Variants in ACSS3 observed in about 807,000 individuals in gnomAD.
ACSS3 encodes the protein acyl-CoA synthetase short-chain family member 3, mitochondrial.
Under a neutral mutation model 84.2 loss-of-function variants are expected in ACSS3, and 64 were observed. The observed-to-expected ratio is 0.76, with a 90% CI of 0.62 to 0.94. ACSS3 has a LOEUF of 0.94. Among genes scored for constraint, ACSS3 ranks in the 40% least tolerant of loss-of-function variants. The pLI, the probability that ACSS3 is intolerant of heterozygous loss-of-function variation, is 0.00. For missense variants in ACSS3, 815 were observed against 867.6 expected (o/e 0.94, Z 0.76); for synonymous variants, 317 against 310.1 (o/e 1.02, Z -0.23).
At chr12:81,156,186 ACACACACACACACACACACACCC>A (rs1169551473) in intron 7 of ACSS3, among the ~76,000 whole-genome samples, 1 of 57,354 alleles carries the variant, frequency 1.7e-5, no homozygotes, top group Non-Finnish European at 4.2e-5. Flanking sequence ...ATCCAGGAAA[ACACACACACACACACACACACCC>A]CACACACACA....
intron 13 of ACSS3, among the ~76,000 whole-genome samples, chr12:81,245,416 C>A (rs980187616): frequency 6.6e-6 from 1 of 152,102 alleles, no homozygotes; most frequent in Admixed American, 6.6e-5. Flanking sequence ...GAGCTGAGAT[C>A]GCGCCACTGC....
intron 1 of ACSS3, among the ~76,000 whole-genome samples, chr12:81,101,405 G>C (rs12811480): frequency 0.35 from 53,279 of 151,754 alleles, 11,845 homozygotes; most frequent in Non-Finnish European, 0.5. Context: ...TAAAAATACA[G>C]ACTATCCCTT....
Position 81,216,891 on chromosome 12 carries a change from CTT to C in ACSS3, c.1355-6_1355-5del. 6.2e-7 allele frequency: 1 copy of C among 1,601,760 alleles called. No individual in the cohort carries two copies. The highest frequency in any genetic ancestry group is 8.5e-7 in the Non-Finnish European group (1 of 1,169,980). On this transcript the variant is annotated splice_polypyrimidine_tract_variant and splice_region_variant and intron_variant, in intron 9 of 15. Coordinates refer to ENST00000548058, the MANE Select transcript of ACSS3 (RefSeq NM_024560.4). ...AAACATGAAGTGATAAATAACATTT[CTT>C]TTTCCAGAGACTGGATCTCCAATTA...
chr12:81,181,746 G>GAAAAAAAAAAAAAAAAA (rs1565708345), intron 8 of ACSS3, among the ~76,000 whole-genome samples: 1 of 7,204 alleles, frequency 1.4e-4, no homozygotes, highest in African/African-American at 5.4e-4. Context: ...AATCAATTAA[G>GAAAAAAAAAAAAAAAAA]CAAAAAAAAA....
chr12:81,209,562 G>T (rs2032501615), intron 9 of ACSS3, among the ~76,000 whole-genome samples: 1 of 152,006 alleles, frequency 6.6e-6, no homozygotes, highest in South Asian at 2.1e-4. Flanking sequence ...TTACCTGAAA[G>T]AGCTCCTGAT....
rs770447768 is a variant in ACSS3 at position 81,109,596 on chromosome 12, C to T, written c.348C>T (p.Ala116=). ...VEGMLNICYN[A]VDRHIENGKG... is the part of the protein sequence containing the mutation. ...GAATGCTTAACATTTGTTACAATGC[C>T]GTTGATCGTCATATTGAAAATGGTA... is the stretch of plus-strand genomic sequence containing the variant. Residue 116 remains alanine (A), a synonymous_variant, in exon 2 of 16, where the codon GCC becomes GCT. Transcript: ENST00000548058. The T allele has an allele frequency of 2.4e-5, 38 of 1,611,426 alleles. No homozygotes were observed. Among genetic ancestry groups the T allele is most frequent in the South Asian group, 1.5e-4 (14 of 90,510 alleles).
intron 2 of ACSS3, among the ~76,000 whole-genome samples, chr12:81,127,041 A>G (rs1242802513): frequency 6.6e-6 from 1 of 151,802 alleles, no homozygotes; most frequent in Non-Finnish European, 1.5e-5. Flanking sequence ...TAGATAAATA[A>G]TAATACATTT....
At chr12:81,111,940 A>T (rs2121514339) in intron 2 of ACSS3, among the ~76,000 whole-genome samples, 1 of 152,260 alleles carries the variant, frequency 6.6e-6, no homozygotes, top group East Asian at 1.9e-4. Flanking sequence ...TAATGCTGCA[A>T]TATATCGTTT....
chr12:81,139,605 AAT>A (rs1445547656), intron 4 of ACSS3, among the ~76,000 whole-genome samples: 2 of 139,658 alleles, frequency 1.4e-5, no homozygotes, highest in East Asian at 2.0e-4. Flanking sequence ...TCTACTAATG[AAT>A]ATATATATAT....
rs1565999470 is a variant in ACSS3, at chr12:81,139,648, T to TTA, written c.780+384_780+385insAT. Among the ~76,000 whole-genome samples, 54 of 83,240 alleles carry TTA rather than the reference T, an allele frequency of 6.5e-4. No individual in the cohort carries two copies. The East Asian group carries it at 0.017, about 26-fold the overall frequency. The allele number at this position is 83,240 out of a possible 152,430, so 54.6% of individuals were successfully genotyped here. A position where few individuals can be genotyped will look rare whatever the true frequency, so the allele number is the denominator to read the frequency against. On this transcript the variant is annotated intron_variant, in intron 4 of 15. Transcript: ENST00000548058. ...AATAATAATAATAATTATTGTTATT[T>TTA]TTTTTTGAGACAGAGTCTCACTCTG...
At chr12:81,093,048 TA>T (rs1881772110) in intron 1 of ACSS3, among the ~76,000 whole-genome samples, 1 of 152,066 alleles carries the variant, frequency 6.6e-6, no homozygotes, top group Non-Finnish European at 1.5e-5. Context: ...GGTTGGACAT[TA>T]GATGGAGATG....
intron 8 of ACSS3, among the ~76,000 whole-genome samples, chr12:81,180,967 A>G (rs2030880719): frequency 6.6e-6 from 1 of 152,210 alleles, no homozygotes; most frequent in Non-Finnish European, 1.5e-5. Context: ...AGTTTACTGA[A>G]GTCAAAAAGT....
intron 8 of ACSS3, among the ~76,000 whole-genome samples, chr12:81,188,373 G>GGT (rs1295199353): frequency 6.6e-6 from 1 of 151,734 alleles, no homozygotes; most frequent in African/African-American, 2.4e-5. Flanking sequence ...CTTTTATTGA[G>GGT]GTATATATAC....
chr12:81,158,091 G>T (rs969760793), intron 7 of ACSS3, among the ~76,000 whole-genome samples: 2 of 151,982 alleles, frequency 1.3e-5, no homozygotes, highest in Admixed American at 6.6e-5. Flanking sequence ...CATCACGAAG[G>T]ATCCTTGTAG....
At chr12:81,221,733 C>G (rs2033117157) in intron 11 of ACSS3, among the ~76,000 whole-genome samples, 1 of 152,064 alleles carries the variant, frequency 6.6e-6, no homozygotes, top group Admixed American at 6.6e-5. Context: ...AAGGGAAAAG[C>G]AGCAGGGGAA....
At chr12:81,221,270 G>A (rs879120910) in intron 11 of ACSS3, among the ~76,000 whole-genome samples, 1 of 151,998 alleles carries the variant, frequency 6.6e-6, no homozygotes, top group Non-Finnish European at 1.5e-5. Flanking sequence ...TACTGATAGA[G>A]TTTAAGTAGT....
intron 9 of ACSS3, among the ~76,000 whole-genome samples, chr12:81,214,281 C>T (rs1316967383): frequency 1.3e-5 from 2 of 152,016 alleles, no homozygotes. Context: ...CAGCCTCGGC[C>T]TCCGAAAGTG....
intron 7 of ACSS3, among the ~76,000 whole-genome samples, chr12:81,167,415 TTATATAGAACAGAAATTTATTTCTGAAA>T (rs1887453455): frequency 2.0e-5 from 3 of 152,092 alleles, no homozygotes; most frequent in South Asian, 2.1e-4. Flanking sequence ...ATGGGGTAAT[TTATATAGAACAGAAATTTATTTCTGAAA>T]TATATAGAAC....
At chr12:81,190,434 C>T (rs2031505440) in intron 8 of ACSS3, among the ~76,000 whole-genome samples, 1 of 151,974 alleles carries the variant, frequency 6.6e-6, no homozygotes, top group African/African-American at 2.4e-5. Flanking sequence ...GATATAACAA[C>T]ATGTAACTGT....
Sources: gnomAD v4.1 joint callset for allele counts (sites outside exome capture counted in the v4.1 genomes callset) on GRCh38, gnomAD v4.1.1 for gene constraint, MANE v1.5 for transcripts, NCBI Gene and HGNC (gene_info 2026-07-23, HGNC 2026-07-21) for gene names.